Variants in GLG1 observed in about 807,000 individuals in gnomAD.
GLG1 encodes the protein golgi glycoprotein 1.
In GLG1, 38 loss-of-function variants were observed where a neutral mutation model predicts 160.5. The ratio of observed to expected loss-of-function variants is 0.24; its 90% CI spans 0.18 to 0.31. The LOEUF (loss-of-function observed/expected upper bound fraction) is 0.31. GLG1 is among the 10% of genes least tolerant of loss of function. GLG1 has a pLI of 1.00. For synonymous variants in GLG1, 644 were observed against 543.4 expected (o/e 1.19, Z -2.57); for missense variants, 1,373 against 1,505.2 (o/e 0.91, Z 1.45).
intron 12 of GLG1, among the ~76,000 whole-genome samples, chr16:74,475,630 G>A (rs2015368817): frequency 6.6e-6 from 1 of 152,142 alleles, no homozygotes; most frequent in Non-Finnish European, 1.5e-5. Flanking sequence ...CAGGTTTAGA[G>A]GTTTCAAGTA....
intron 4 of GLG1, among the ~76,000 whole-genome samples, chr16:74,498,469 A>ATATATATATATATATATATATATATATTT (rs2016291278): frequency 2.8e-5 from 1 of 35,958 alleles, no homozygotes; most frequent in Admixed American, 3.3e-4. Flanking sequence ...TATATATATT[A>ATATATATATATATATATATATATATATTT]TATTTTATAT....
At chr16:74,534,762 C>T (rs571937754) in intron 1 of GLG1, among the ~76,000 whole-genome samples, 8 of 152,194 alleles carry the variant, frequency 5.3e-5, no homozygotes, top group African/African-American at 1.9e-4. Flanking sequence ...GCTCCGCTGA[C>T]GTTGAGCAAA....
intron 4 of GLG1, among the ~76,000 whole-genome samples, chr16:74,498,433 C>CAAA (rs752055366): frequency 9.9e-5 from 3 of 30,236 alleles, no homozygotes; most frequent in African/African-American, 2.2e-4. Flanking sequence ...GGCTCTGTCT[C>CAAA]AAAAAAAAAA....
intron 11 of GLG1, among the ~76,000 whole-genome samples, 162 bp from the exon 12 acceptor site, chr16:74,477,695 CA>C (rs1408735656): frequency 6.6e-6 from 1 of 152,088 alleles, no homozygotes; most frequent in Non-Finnish European, 1.5e-5. Context: ...ATGTTGCGGC[CA>C]GGTGCGGTGG....
intron 8 of GLG1, among the ~76,000 whole-genome samples, chr16:74,489,398 G>T (rs2015903377): frequency 6.6e-6 from 1 of 151,922 alleles, no homozygotes; most frequent in South Asian, 2.1e-4. Context: ...TTGAACCCGG[G>T]AGGTGGATGC....
chr16:74,525,083 CT>C (rs1207867131), intron 2 of GLG1, among the ~76,000 whole-genome samples: 2 of 152,094 alleles, frequency 1.3e-5, no homozygotes, highest in African/African-American at 4.8e-5. Flanking sequence ...CATTTTTGAG[CT>C]TTTACTAATA....
At chr16:74,538,746 T>G (rs1354569426) in intron 1 of GLG1, among the ~76,000 whole-genome samples, 1 of 138,228 alleles carries the variant, frequency 7.2e-6, no homozygotes, top group Non-Finnish European at 1.6e-5. Flanking sequence ...TTTTTTTTTT[T>G]TCTTAAAAAG....
At chr16:74,475,562 G>T (rs1174663333) in intron 12 of GLG1, among the ~76,000 whole-genome samples, 2 of 152,204 alleles carry the variant, frequency 1.3e-5, no homozygotes, top group African/African-American at 2.4e-5. Flanking sequence ...GTGGGCTTTG[G>T]AAACCGAGCT....
intron 8 of GLG1, among the ~76,000 whole-genome samples, chr16:74,487,058 C>A (rs537906140): frequency 6.6e-6 from 1 of 151,926 alleles, no homozygotes; most frequent in African/African-American, 2.4e-5. Flanking sequence ...GGACTACGGG[C>A]ATGTACCACC....
In GLG1 at chr16:74,585,849, G is replaced by A. The variant is rs111682018; in HGVS notation, c.438+20808C>T. On this transcript the variant is annotated intron_variant, in intron 1 of 25. Transcript: ENST00000422840. ...AGGCCAAGGTGGGTAGACCACTTGA[G>A]GTCAGGAGTTCAAGACCAGCCTGGC... 1.5e-3 allele frequency among the ~76,000 whole-genome samples: 224 copies of A among 152,200 alleles called. 3 individuals are homozygous for A. The highest frequency in any genetic ancestry group is 2.0e-3 in the Non-Finnish European group (136 of 68,004).
At chr16:74,480,827 C>T (rs1040690700) in intron 10 of GLG1, among the ~76,000 whole-genome samples, 3 of 152,148 alleles carry the variant, frequency 2.0e-5, no homozygotes, top group South Asian at 2.1e-4. Context: ...GCTGGGATTA[C>T]AGGCATAAGG....
chr16:74,488,791 G>A (rs1000345112), intron 8 of GLG1, among the ~76,000 whole-genome samples: 4 of 151,842 alleles, frequency 2.6e-5, no homozygotes, highest in Non-Finnish European at 4.4e-5. Context: ...GGCTAATTTC[G>A]TATTTTTCAT....
At chr16:74,546,723 C>T (rs1041612840) in intron 1 of GLG1, among the ~76,000 whole-genome samples, 4 of 151,066 alleles carry the variant, frequency 2.6e-5, no homozygotes, top group Non-Finnish European at 3.0e-5. Context: ...CTGTAATCCC[C>T]GCTACTTGGG....
At chr16:74,514,348 C>A (rs1400914012) in intron 2 of GLG1, among the ~76,000 whole-genome samples, 1 of 152,114 alleles carries the variant, frequency 6.6e-6, no homozygotes, top group Non-Finnish European at 1.5e-5. Context: ...TCAGATTCAC[C>A]AAGGTTGAAA....
At chr16:74,602,287 C>A (rs765390056) in intron 1 of GLG1, among the ~76,000 whole-genome samples, 15 of 151,982 alleles carry the variant, frequency 9.9e-5, no homozygotes, top group Non-Finnish European at 1.8e-4. Context: ...GAAAAGGTGG[C>A]AAGAAAGAAT....
At chr16:74,503,944 C>G (rs1362587733) in intron 3 of GLG1, among the ~76,000 whole-genome samples, 198 bp from the exon 4 acceptor site, 3 of 152,080 alleles carry the variant, frequency 2.0e-5, no homozygotes, top group African/African-American at 7.2e-5. Flanking sequence ...TAGTGTCATC[C>G]CTACTCAGAC....
intron 1 of GLG1, among the ~76,000 whole-genome samples, chr16:74,558,313 G>A (rs2018408119): frequency 6.6e-6 from 1 of 152,166 alleles, no homozygotes; most frequent in African/African-American, 2.4e-5. Flanking sequence ...AAATGCAAGT[G>A]TTAGTATCAG....
At chr16:74,529,037 G>A (rs2017441984) in intron 2 of GLG1, among the ~76,000 whole-genome samples, 1 of 151,120 alleles carries the variant, frequency 6.6e-6, no homozygotes. Context: ...TACGATAGTG[G>A]TTCACTGCAA....
intron 2 of GLG1, among the ~76,000 whole-genome samples, chr16:74,511,553 G>C (rs527299068): frequency 2.1e-5 from 3 of 139,784 alleles, no homozygotes; most frequent in South Asian, 2.3e-4. Flanking sequence ...TCTGGAGGCT[G>C]AGGCAGGAGA....
Sources: allele counts gnomAD v4.1 joint callset (sites outside exome capture counted in the v4.1 genomes callset), GRCh38; gene constraint gnomAD v4.1.1; transcripts MANE v1.5; gene names NCBI Gene and HGNC (gene_info 2026-07-23, HGNC 2026-07-21).